Variants in IQSEC1 observed in about 807,000 individuals in gnomAD.
IQSEC1 encodes the protein IQ motif and SEC7 domain-containing protein 1.
In IQSEC1, 31 loss-of-function variants were observed where a neutral mutation model predicts 91.0. The ratio of observed to expected loss-of-function variants is 0.34; its 90% CI spans 0.26 to 0.46. The LOEUF is 0.46. IQSEC1 is among the 20% of genes least tolerant of loss of function. The pLI is 1.00. For missense variants in IQSEC1, 1,388 were observed against 1,575.6 expected, an observed-to-expected ratio of 0.88 and a Z score of 2.02; for synonymous variants, 699 against 662.6, an observed-to-expected ratio of 1.05 and a Z score of -0.84.
chr3:13,080,121 G>A (rs143949427), intron 2 of IQSEC1, among the ~76,000 whole-genome samples: 33 of 152,320 alleles, frequency 2.2e-4, no homozygotes, highest in South Asian at 6.2e-4. Context: ...TTCATTATGC[G>A]GGTAATGGCA....
intron 1 of IQSEC1, among the ~76,000 whole-genome samples, chr3:13,056,340 C>T (rs1704879869): frequency 1.3e-5 from 2 of 151,592 alleles, no homozygotes; most frequent in Admixed American, 1.3e-4. Flanking sequence ...TGGCACCACC[C>T]CATCTACAGG....
chr3:12,955,388 T>C lies in IQSEC1; in HGVS notation c.24-13523A>G, dbSNP rs532673940. On this transcript the variant is annotated intron_variant, in intron 1 of 13. Coordinates refer to ENST00000613206, the MANE Select transcript of IQSEC1 (RefSeq NM_001134382.3). ...GAAAGGAAGCAGGGGGCAGACTGGC[T>C]CCGCAGGCTGGCAACCTGCACTTTC... 5.0e-3 allele frequency among the ~76,000 whole-genome samples: 759 copies of C among 152,268 alleles called. 6 individuals carry two copies. The highest frequency in any genetic ancestry group is 0.018 in the African/African-American group (729 of 41,548).
chr3:13,084,333 C>G (rs369934170), intron 2 of IQSEC1, among the ~76,000 whole-genome samples: 2 of 152,112 alleles, frequency 1.3e-5, no homozygotes, highest in Non-Finnish European at 2.9e-5. Context: ...CACCCCACAT[C>G]CCCCCTGACA....
At chr3:13,135,932 G>T (rs1022857728) in intron 2 of IQSEC1, among the ~76,000 whole-genome samples, 1 of 152,174 alleles carries the variant, frequency 6.6e-6, no homozygotes, top group African/African-American at 2.4e-5. Context: ...GAGGAGAAGC[G>T]CAGGCCCTGC....
chr3:13,251,154 G>T lies in IQSEC1; in HGVS notation c.272+31557C>A, dbSNP rs189695036. Among the ~76,000 whole-genome samples, 41 of 152,320 alleles carry T rather than the reference G, an allele frequency of 2.7e-4. No individual in the cohort carries two copies. In the East Asian group the frequency reaches 7.9e-3, roughly 29 times the overall value. On this transcript the variant is annotated intron_variant, in intron 1 of 15. Transcript: ENST00000648114. ...GGCCTTTGCACTGGCTGAGCCCTGG[G>T]CCAGGCTGGCTCTTCCCAGATGTGT...
At chr3:13,221,360 A>G (rs1314012895) in intron 1 of IQSEC1, among the ~76,000 whole-genome samples, 1 of 152,158 alleles carries the variant, frequency 6.6e-6, no homozygotes, top group East Asian at 1.9e-4. Flanking sequence ...CCAACAGGAC[A>G]TGTCCCTGCG....
intron 1 of IQSEC1, among the ~76,000 whole-genome samples, chr3:13,235,042 G>A (rs1694903676): frequency 6.6e-6 from 1 of 152,196 alleles, no homozygotes; most frequent in Admixed American, 6.5e-5. Context: ...ACGGGCTCTG[G>A]GGGTCTAGCG....
chr3:13,090,408 G>A (rs895794928), intron 2 of IQSEC1, among the ~76,000 whole-genome samples: 3 of 152,354 alleles, frequency 2.0e-5, no homozygotes, highest in East Asian at 3.9e-4. Flanking sequence ...GACTGAATGA[G>A]TGAGTGGATG....
intron 1 of IQSEC1, among the ~76,000 whole-genome samples, chr3:13,181,042 C>A (rs6772574): frequency 0.033 from 4,980 of 152,206 alleles, 277 homozygotes; most frequent in African/African-American, 0.1. Flanking sequence ...GAGGCTGAGG[C>A]GGGCGGATCA....
rs1695321284 is a variant in IQSEC1 at position 12,909,193 on chromosome 3, A to C, written c.2578+80T>G. 1 of 1,452,738 alleles carries C rather than the reference A, an allele frequency of 6.9e-7. No individual in the cohort carries two copies. Among genetic ancestry groups the C allele is most frequent in the Admixed American group, 1.8e-5 (1 of 56,210 alleles). The allele number at this position is 1,452,738 out of a possible 1,614,324, so 90.0% of individuals were successfully genotyped here. ...GGACATCTTGTCTCTGTGAGCTCAG[A>C]AGTCACTGCCCTGACATGGGGAGGC... On this transcript the variant is annotated intron_variant, in intron 11 of 13. Transcript: ENST00000613206. This position sits in a 1 kb window ranked among gnomAD's most constrained non-coding sequence, Gnocchi z 4.9.
rs774033724 is a variant in IQSEC1, at chr3:12,936,380, C to A, written c.636G>T (p.Pro212=). ...DLSEPTTLKS[P]APSSDFADAI... ...CGTCCGCAAAGTCACTGGAGGGGGC[C>A]GGAGACTTGAGGGTGGTGGGCTCGC... is the stretch of plus-strand genomic sequence containing the variant. Residue 212 remains proline, a synonymous_variant, in exon 3 of 14, where the codon CCG becomes CCT. Transcript: ENST00000613206. The A allele has an allele frequency of 6.3e-7, 1 of 1,597,388 alleles. No individual in the cohort carries two copies. The highest frequency in any genetic ancestry group is 8.6e-7 in the Non-Finnish European group (1 of 1,169,458).
intron 3 of IQSEC1, among the ~76,000 whole-genome samples, chr3:12,925,362 C>G (rs1444699871): frequency 6.6e-6 from 1 of 152,212 alleles, no homozygotes; most frequent in Non-Finnish European, 1.5e-5. Flanking sequence ...ACTCAATTCC[C>G]ACTCCAGGAG....
chr3:12,980,281 T>C (rs1050386756), intron 1 of IQSEC1, among the ~76,000 whole-genome samples: 6 of 152,224 alleles, frequency 3.9e-5, no homozygotes, highest in African/African-American at 1.4e-4. Flanking sequence ...TGTTTGCCCA[T>C]GCACTGGTGA....
At chr3:13,233,859 T>A (rs1023945521) in intron 1 of IQSEC1, among the ~76,000 whole-genome samples, 4 of 152,090 alleles carry the variant, frequency 2.6e-5, no homozygotes, top group Non-Finnish European at 5.9e-5. Flanking sequence ...GCACTTCCCC[T>A]CTCTGTGCCC....
intron 2 of IQSEC1, among the ~76,000 whole-genome samples, chr3:13,106,523 G>A (rs1194407786): frequency 6.6e-6 from 1 of 152,214 alleles, no homozygotes; most frequent in East Asian, 1.9e-4. Flanking sequence ...GAGGCCAAGT[G>A]ACATGCCCCG....
intron 2 of IQSEC1, among the ~76,000 whole-genome samples, chr3:13,116,996 A>G (rs567654663): frequency 1.3e-5 from 2 of 152,130 alleles, no homozygotes; most frequent in South Asian, 4.2e-4. Context: ...GCTTCATCAA[A>G]ACTAAAAACT....
At chr3:13,151,840 C>T (rs553618539) in intron 2 of IQSEC1, among the ~76,000 whole-genome samples, 53 of 152,126 alleles carry the variant, frequency 3.5e-4, no homozygotes, top group African/African-American at 1.2e-3. Context: ...GTGGCAGGTG[C>T]CTGTAATCCC....
At chr3:13,022,815 G>C (rs1320023216) in intron 1 of IQSEC1, among the ~76,000 whole-genome samples, 1 of 152,206 alleles carries the variant, frequency 6.6e-6, no homozygotes, top group Non-Finnish European at 1.5e-5. Flanking sequence ...CCTCTGGACA[G>C]TGGTTGGCCC....
At chr3:12,944,386 C>A (rs1247087954) in intron 1 of IQSEC1, among the ~76,000 whole-genome samples, 3 of 152,252 alleles carry the variant, frequency 2.0e-5, no homozygotes, top group Non-Finnish European at 4.4e-5. Context: ...GAGTCCCCAT[C>A]TCAGACTTCA....
Sources: gnomAD v4.1 joint callset for allele counts (sites outside exome capture counted in the v4.1 genomes callset) on GRCh38, gnomAD v4.1.1 for gene constraint, Gnocchi (gnomAD v3.1) non-coding constraint, MANE v1.5 for transcripts, NCBI Gene and HGNC (gene_info 2026-07-23, HGNC 2026-07-21) for gene names.